Variants in NPAS3 observed in about 807,000 individuals in gnomAD.
NPAS3 encodes neuronal PAS domain protein 3.
In NPAS3, 14 loss-of-function variants were observed where a neutral mutation model predicts 73.1. The observed-to-expected ratio is 0.19, with a 90% CI of 0.13 to 0.30. NPAS3 has a LOEUF of 0.30. NPAS3 is among the 10% of genes least tolerant of loss of function. The probability of loss-of-function intolerance (pLI) is 1.00; values close to 1 mark genes in which losing one functional copy is unlikely to be tolerated. For missense variants in NPAS3, 1,096 were observed against 1,250.0 expected (o/e 0.88, Z 1.86); for synonymous variants, 620 against 541.5 (o/e 1.14, Z -2.01).
rs145894104 is a variant in NPAS3, at chr14:33,427,528, C to T, written c.468+60260C>T. Among the ~76,000 whole-genome samples, 381 of 151,492 alleles carry T rather than the reference C, an allele frequency of 2.5e-3. 5 individuals are homozygous for T. The highest frequency in any genetic ancestry group is 8.7e-3 in the African/African-American group (361 of 41,258). On this transcript the variant is annotated intron_variant, in intron 4 of 11. Transcript: ENST00000356141. ...TCTAGTGCCGGAGCATCACCCTCTC[C>T]GTGAATGGGACTAAGGAACAGTGAG...
intron 4 of NPAS3, among the ~76,000 whole-genome samples, chr14:33,497,424 C>T (rs2052258934): frequency 6.6e-6 from 1 of 152,046 alleles, no homozygotes; most frequent in South Asian, 2.1e-4. Flanking sequence ...AAGCTGGAGG[C>T]ATCATGCTAC....
At chr14:33,749,454 T>C (rs928440957) in intron 7 of NPAS3, among the ~76,000 whole-genome samples, 1 of 152,162 alleles carries the variant, frequency 6.6e-6, no homozygotes, top group African/African-American at 2.4e-5. Context: ...TGCTCTTCTG[T>C]GATGAGTGAA....
At chr14:32,995,696 G>C (rs967033811) in intron 1 of NPAS3, among the ~76,000 whole-genome samples, 4 of 152,198 alleles carry the variant, frequency 2.6e-5, no homozygotes, top group African/African-American at 9.7e-5. Context: ...TTTTCCTGCT[G>C]CCATCCATGT....
intron 4 of NPAS3, among the ~76,000 whole-genome samples, chr14:33,429,894 C>T (rs1359914347): frequency 1.3e-5 from 2 of 152,108 alleles, no homozygotes; most frequent in Non-Finnish European, 2.9e-5. Context: ...AATTTCTTCC[C>T]TATTGCAGAT....
chr14:33,735,197 A>G lies in NPAS3; in HGVS notation c.734-17A>G, dbSNP rs2140647574. The G allele has an allele frequency of 6.4e-7, 1 of 1,572,608 alleles. No homozygotes were observed. The highest frequency in any genetic ancestry group is 1.7e-5 in the Admixed American group (1 of 59,922). On this transcript the variant is annotated splice_polypyrimidine_tract_variant and intron_variant, in intron 6 of 11. Transcript: ENST00000356141. ...CAAGATCTAAATCGTGTGTGTCTGT[A>G]TTTTTGTATTCCTCAGTGGAGTCAA... is the stretch of plus-strand genomic sequence containing the variant.
At chr14:33,489,224 T>A (rs1447221920) in intron 4 of NPAS3, among the ~76,000 whole-genome samples, 1 of 152,200 alleles carries the variant, frequency 6.6e-6, no homozygotes, top group Admixed American at 6.5e-5. Flanking sequence ...TGTGTACAAT[T>A]TCTACTCTTT....
chr14:33,776,183 A>G (rs1397928144), intron 8 of NPAS3, among the ~76,000 whole-genome samples: 1 of 152,174 alleles, frequency 6.6e-6, no homozygotes. Context: ...CCACAAAGCT[A>G]TTTCTTCTCT....
chr14:33,666,531 C>G (rs1199353031), intron 5 of NPAS3, among the ~76,000 whole-genome samples: 1 of 152,218 alleles, frequency 6.6e-6, no homozygotes, highest in African/African-American at 2.4e-5. Context: ...GCCAGAATCT[C>G]TGGGAGCCCA....
At chr14:33,640,990 A>G (rs2058661089) in intron 5 of NPAS3, among the ~76,000 whole-genome samples, 1 of 152,246 alleles carries the variant, frequency 6.6e-6, no homozygotes. Context: ...TGTTACTGGC[A>G]GTTCTCTCTG....
At chr14:33,169,507 G>T (rs1426427362) in intron 2 of NPAS3, among the ~76,000 whole-genome samples, 1 of 152,216 alleles carries the variant, frequency 6.6e-6, no homozygotes, top group African/African-American at 2.4e-5. Context: ...GGCGGAGGTT[G>T]CAGTGAGCCG....
intron 3 of NPAS3, among the ~76,000 whole-genome samples, chr14:33,289,138 T>C (rs1352155966): frequency 6.6e-6 from 1 of 152,208 alleles, no homozygotes; most frequent in Non-Finnish European, 1.5e-5. Flanking sequence ...GTGTACTTAA[T>C]CCTTATAATC....
intron 1 of NPAS3, among the ~76,000 whole-genome samples, chr14:33,005,356 G>A (rs772178795): frequency 6.6e-6 from 1 of 152,120 alleles, no homozygotes; most frequent in African/African-American, 2.4e-5. Flanking sequence ...GCCTTTGACT[G>A]AAAATGTCAG....
Position 33,409,999 on chromosome 14 carries a change from G to T in NPAS3, c.468+42731G>T, listed in dbSNP as rs2047849555. Among the ~76,000 whole-genome samples, 6 of 152,218 alleles carry T rather than the reference G, an allele frequency of 3.9e-5. No homozygotes were observed. The South Asian group carries it at 1.0e-3, about 26-fold the overall frequency. On this transcript the variant is annotated intron_variant, in intron 4 of 11. Coordinates refer to ENST00000356141, the Ensembl canonical transcript of NPAS3. ...CTGTGGATGATTGAAATACTCTTCT[G>T]CCCTCTTTGTAGCTCTAACATTGGC... is the stretch of plus-strand genomic sequence containing the variant.
intron 2 of NPAS3, among the ~76,000 whole-genome samples, chr14:33,096,282 A>T (rs902274114): frequency 6.6e-6 from 1 of 152,130 alleles, no homozygotes; most frequent in Non-Finnish European, 1.5e-5. Context: ...CTGTGTAAAA[A>T]GTTGAATAGC....
chr14:33,109,768 T>C (rs974907816), intron 2 of NPAS3, among the ~76,000 whole-genome samples: 3 of 151,326 alleles, frequency 2.0e-5, no homozygotes, highest in Admixed American at 6.6e-5. Context: ...TTTACATGTA[T>C]ACAGCCTTAT....
At chr14:33,064,330 C>T (rs1230799865) in intron 2 of NPAS3, among the ~76,000 whole-genome samples, 1 of 152,064 alleles carries the variant, frequency 6.6e-6, no homozygotes. Flanking sequence ...ATTAATATAC[C>T]TCCCTTAATT....
chr14:33,440,183 T>C (rs1463380604), intron 4 of NPAS3, among the ~76,000 whole-genome samples: 3 of 151,560 alleles, frequency 2.0e-5, no homozygotes, highest in Non-Finnish European at 4.4e-5. Flanking sequence ...GGATGGAACC[T>C]GTGAAATTAC....
At chr14:33,685,488 T>TAACA (rs1428617807) in intron 6 of NPAS3, among the ~76,000 whole-genome samples, 3 of 151,830 alleles carry the variant, frequency 2.0e-5, no homozygotes, top group Non-Finnish European at 2.9e-5. Context: ...AAAAATTGCC[T>TAACA]AACACTGCTC....
At chr14:33,535,283 A>T (rs1367766456) in intron 4 of NPAS3, among the ~76,000 whole-genome samples, 1 of 152,212 alleles carries the variant, frequency 6.6e-6, no homozygotes, top group Non-Finnish European at 1.5e-5. Flanking sequence ...CCTTAGGCAT[A>T]TGACTTTCTA....
Sources: allele counts gnomAD v4.1 joint callset (sites outside exome capture counted in the v4.1 genomes callset), GRCh38; gene constraint gnomAD v4.1.1; transcripts MANE v1.5; gene names NCBI Gene and HGNC (gene_info 2026-07-23, HGNC 2026-07-21).